The following CSMD3 variants were observed in gnomAD, a reference collection of about 807,000 sequenced individuals.
CSMD3 encodes the protein CUB and Sushi multiple domains 3.
CSMD3 carries 177 observed loss-of-function variants against 435.2 expected under a neutral mutation model. That is an observed-to-expected ratio of 0.41 (90% CI 0.36 to 0.46). The LOEUF is 0.46. Among genes scored for constraint, CSMD3 ranks in the 20% least tolerant of loss-of-function variants. The pLI is 0.34. For synonymous variants in CSMD3, 1,656 were observed against 1,520.5 expected (o/e 1.09, Z -2.07); for missense variants, 4,265 against 4,504.6 (o/e 0.95, Z 1.52).
intron 3 of CSMD3, among the ~76,000 whole-genome samples, chr8:113,269,237 GA>G (rs1355956650): frequency 6.6e-6 from 1 of 151,960 alleles, no homozygotes; most frequent in African/African-American, 2.4e-5. Flanking sequence ...AAATACCTAG[GA>G]ATCTAACTTA....
At chr8:113,237,409 A>T (rs2093162569) in intron 3 of CSMD3, among the ~76,000 whole-genome samples, 1 of 152,198 alleles carries the variant, frequency 6.6e-6, no homozygotes, top group African/African-American at 2.4e-5. Context: ...TGAAATTGGT[A>T]TTCCTCACTA....
intron 1 of CSMD3, among the ~76,000 whole-genome samples, chr8:113,347,438 C>A (rs1054329219): frequency 6.6e-6 from 1 of 152,026 alleles, no homozygotes; most frequent in Non-Finnish European, 1.5e-5. Context: ...GAAAATCAGG[C>A]GGTTTTGTAA....
intron 5 of CSMD3, among the ~76,000 whole-genome samples, chr8:113,024,389 CTA>C (rs2086797401): frequency 6.7e-6 from 1 of 149,110 alleles, no homozygotes; most frequent in South Asian, 2.3e-4. Flanking sequence ...GATTACTTGA[CTA>C]TTGTGAATAG....
At chr8:112,404,168 G>A (rs929792623) in intron 35 of CSMD3, among the ~76,000 whole-genome samples, 1 of 152,102 alleles carries the variant, frequency 6.6e-6, no homozygotes, top group South Asian at 2.1e-4. Context: ...TAGCACAATT[G>A]TTGACAATGT....
chr8:112,407,111 T>C (rs919734540), intron 34 of CSMD3, among the ~76,000 whole-genome samples: 1 of 151,810 alleles, frequency 6.6e-6, no homozygotes, highest in Admixed American at 6.6e-5. Flanking sequence ...TCAGGTTATA[T>C]CAAATAATTT....
intron 18 of CSMD3, among the ~76,000 whole-genome samples, chr8:112,654,189 T>C (rs2075201701): frequency 6.6e-6 from 1 of 152,196 alleles, no homozygotes; most frequent in African/African-American, 2.4e-5. Flanking sequence ...AAATATATTG[T>C]TAATGTTCTC....
intron 32 of CSMD3, among the ~76,000 whole-genome samples, chr8:112,446,120 C>T (rs12548290): frequency 6.6e-6 from 1 of 152,118 alleles, no homozygotes; most frequent in African/African-American, 2.4e-5. Flanking sequence ...TAACACATAG[C>T]TAAGAAGCAT....
chr8:112,818,447 A>T (rs2132422458), intron 12 of CSMD3, among the ~76,000 whole-genome samples: 1 of 152,282 alleles, frequency 6.6e-6, no homozygotes, highest in South Asian at 2.1e-4. Flanking sequence ...GCCAAAATTA[A>T]CTCTCTAGCA....
intron 1 of CSMD3, among the ~76,000 whole-genome samples, chr8:113,341,100 G>A (rs2094115714): frequency 6.6e-6 from 1 of 151,760 alleles, no homozygotes; most frequent in African/African-American, 2.4e-5. Context: ...ACAATTTGAT[G>A]TTTCCATACA....
chr8:112,969,701 C>T (rs553321870), intron 7 of CSMD3, among the ~76,000 whole-genome samples: 2 of 151,700 alleles, frequency 1.3e-5, no homozygotes. Context: ...GAAAACGTTC[C>T]CAGAAGAATA....
intron 59 of CSMD3, among the ~76,000 whole-genome samples, chr8:112,271,343 T>G (rs1030351552): frequency 3.3e-5 from 5 of 152,310 alleles, no homozygotes; most frequent in Non-Finnish European, 5.9e-5. Context: ...GAATTCAAAT[T>G]GGTAAATGCA....
intron 22 of CSMD3, among the ~76,000 whole-genome samples, chr8:112,589,401 G>T (rs192526249): frequency 6.6e-6 from 1 of 152,156 alleles, no homozygotes; most frequent in Non-Finnish European, 1.5e-5. Context: ...CACCCATAAG[G>T]AAAATTACTT....
At chr8:112,351,285 A>G (rs909700177) in intron 39 of CSMD3, 41 bp from the exon 40 acceptor site, 3 of 1,332,998 alleles carry the variant, frequency 2.3e-6, no homozygotes, top group Non-Finnish European at 2.2e-6. Context: ...ACATACATAA[A>G]AAGTTTAAAT....
intron 16 of CSMD3, among the ~76,000 whole-genome samples, chr8:112,670,929 C>G (rs1277054080): frequency 6.6e-6 from 1 of 152,114 alleles, no homozygotes; most frequent in Non-Finnish European, 1.5e-5. Context: ...ATTGAATATG[C>G]AACCCTTTGA....
At chr8:112,368,267 T>C (rs1827979987) in intron 38 of CSMD3, among the ~76,000 whole-genome samples, 1 of 152,168 alleles carries the variant, frequency 6.6e-6, no homozygotes, top group African/African-American at 2.4e-5. Context: ...ACCTTCTCTG[T>C]TCATCACCTA....
intron 3 of CSMD3, among the ~76,000 whole-genome samples, chr8:113,194,822 A>G (rs1397537601): frequency 6.6e-6 from 1 of 151,316 alleles, no homozygotes; most frequent in African/African-American, 2.4e-5. Flanking sequence ...AATCTTTCAC[A>G]GTGGCCTATA....
At chr8:113,406,146 C>G (rs2094531933) in intron 1 of CSMD3, among the ~76,000 whole-genome samples, 1 of 151,994 alleles carries the variant, frequency 6.6e-6, no homozygotes, top group South Asian at 2.1e-4. Flanking sequence ...AACAGCGACA[C>G]AATTTTAGAG....
chr8:112,848,332 C>T (rs1456498618), intron 11 of CSMD3, among the ~76,000 whole-genome samples: 1 of 152,076 alleles, frequency 6.6e-6, no homozygotes, highest in Non-Finnish European at 1.5e-5. Flanking sequence ...AAAATATTTG[C>T]TATTCATTGT....
At position 112,314,585 on chromosome 8, in the gene CSMD3, A is replaced by T. The variant is rs752523533; in HGVS notation, c.7393T>A (p.Ser2465Thr). The part of the protein sequence containing the change: ...LCPANELRLD[S>T]TGVILSPGYP... ...CCAGGGCTCAATATGACTCCAGTAG[A>T]ATCTAGCCGTAATTCATTGGCAGGA... The change falls in exon 48 of 71, where the codon TCT becomes ACT. Residue 2465 changes from serine (S) to threonine (T), a missense_variant. Around this residue, in one of 3 missense-constraint regions of CSMD3, gnomAD observed 3,255 missense variants for 3,380.2 expected, o/e 0.96. Transcript: ENST00000297405. 4.3e-6 allele frequency: 7 copies of T among 1,612,682 alleles called. No individual in the cohort carries two copies. The highest frequency in any genetic ancestry group is 5.9e-6 in the Non-Finnish European group (7 of 1,179,038).
Sources: gnomAD v4.1 joint callset for allele counts (sites outside exome capture counted in the v4.1 genomes callset) on GRCh38, gnomAD v4.1.1 for gene constraint, gnomAD v4.1.1 regional missense constraint, MANE v1.5 for transcripts, NCBI Gene and HGNC (gene_info 2026-07-23, HGNC 2026-07-21) for gene names.